Variants in ENAH observed in about 807,000 individuals in gnomAD.
ENAH encodes the protein ENAH actin regulator, also known as protein enabled homolog.
Under a neutral mutation model 78.7 loss-of-function variants are expected in ENAH, and 23 were observed. That is an observed-to-expected ratio of 0.29 (90% CI 0.21 to 0.41). ENAH has a LOEUF of 0.41. Ranked by LOEUF, ENAH falls within the 10% of genes least tolerant of loss-of-function variation. The probability of loss-of-function intolerance (pLI) is 1.00; values close to 1 mark genes in which losing one functional copy is unlikely to be tolerated. For synonymous variants in ENAH, 226 were observed against 241.0 expected (o/e 0.94, Z 0.58); for missense variants, 544 against 691.0 (o/e 0.79, Z 2.39).
chr1:225,498,249 C>T, intron 13 of ENAH, 98 bp downstream of exon 13: 1 of 979,184 alleles, frequency 1.0e-6, no homozygotes, highest in South Asian at 1.5e-5. Context: ...TCATTGCCCT[C>T]AACTAATCAG....
Position 225,497,743 on chromosome 1 carries a change from A to G in ENAH, c.*32T>C. The G allele has an allele frequency of 6.2e-7, 1 of 1,604,690 alleles. No individual in the cohort carries two copies. The highest frequency in any genetic ancestry group is 8.5e-7 in the Non-Finnish European group (1 of 1,174,040). On this transcript the variant is annotated 3_prime_UTR_variant, in exon 14 of 14. Coordinates refer to ENST00000366843, the MANE Select transcript of ENAH (RefSeq NM_018212.6). ...TGTTTGTAGGATATTTTTCCTCCAG[A>G]TTAAAGTCCTATCTCTCCTTAGTCT...
chr1:225,517,236 C>T lies in ENAH; in HGVS notation c.873G>A (p.Leu291=). 1 of 1,549,458 alleles carries T rather than the reference C, an allele frequency of 6.5e-7. No individual in the cohort carries two copies. Among genetic ancestry groups the T allele is most frequent in the Non-Finnish European group, 8.7e-7 (1 of 1,146,142 alleles). ...TCTCGGCCGGCTGAGAGGCTGCCTG[C>T]AAGCCTGGCTCAGAAGCAGAAGAGT... is the stretch of plus-strand genomic sequence containing the variant. ...LGDSSASEPG[L]QAASQPAETP... Residue 291 remains leucine, a synonymous_variant, in exon 6 of 14, where the codon TTG becomes TTA. Coordinates refer to ENST00000366843, the MANE Select transcript of ENAH (RefSeq NM_018212.6).
intron 2 of ENAH, 95 bp from the exon 3 acceptor site, chr1:225,555,178 T>C (rs2096660000): frequency 8.8e-7 from 1 of 1,134,518 alleles, no homozygotes; most frequent in African/African-American, 1.5e-5. Context: ...TCAAATGTGT[T>C]CCTAACAGAC....
At chr1:225,652,290 A>C (rs1038658880) in intron 1 of ENAH, 5 of 976,002 alleles carry the variant, frequency 5.1e-6, no homozygotes, top group East Asian at 1.1e-4. Context: ...AAAGTGCATG[A>C]AATTTTTACA....
At chr1:225,588,255 G>A (rs985689102) in intron 1 of ENAH, among the ~76,000 whole-genome samples, 2 of 152,118 alleles carry the variant, frequency 1.3e-5, no homozygotes, top group Admixed American at 6.5e-5. Flanking sequence ...AAAAATCTAC[G>A]AAACATAAAT....
chr1:225,548,222 T>TG (rs2096624580), intron 3 of ENAH, among the ~76,000 whole-genome samples: 1 of 151,834 alleles, frequency 6.6e-6, no homozygotes, highest in African/African-American at 2.4e-5. Flanking sequence ...TTTTTTTTTT[T>TG]GGACATTAGC....
At chr1:225,518,514 ATTAAC>A (rs139281933) in intron 5 of ENAH, among the ~76,000 whole-genome samples, 13,785 of 152,170 alleles carry the variant, frequency 0.091, 665 homozygotes, top group Admixed American at 0.14. Context: ...AAATACATAA[ATTAAC>A]TTAATAAACC....
intron 1 of ENAH, among the ~76,000 whole-genome samples, chr1:225,613,279 T>A (rs1311034328): frequency 6.6e-6 from 1 of 152,156 alleles, no homozygotes; most frequent in Non-Finnish European, 1.5e-5. Flanking sequence ...TCACCACCCA[T>A]CTTTTCTCAC....
intron 1 of ENAH, among the ~76,000 whole-genome samples, chr1:225,630,459 G>T (rs939594438): frequency 6.6e-6 from 1 of 152,214 alleles, no homozygotes; most frequent in Non-Finnish European, 1.5e-5. Flanking sequence ...AAGATTAAAC[G>T]AATTAAAGGA....
rs555871222 is a variant in ENAH at position 225,487,334 on chromosome 1, C to T, written c.*10441G>A. 6.6e-6 allele frequency: 1 copy of T among 152,342 alleles called. No individual in the cohort carries two copies. Among genetic ancestry groups the T allele is most frequent in the South Asian group, 2.1e-4 (1 of 4,826 alleles). The allele number at this position is 152,342 out of a possible 1,614,324, so 9.4% of individuals were successfully genotyped here. On this transcript the variant is annotated 3_prime_UTR_variant, in exon 14 of 14. Coordinates refer to ENST00000366843, the MANE Select transcript of ENAH (RefSeq NM_018212.6). The stretch of plus-strand genomic sequence containing the variant: ...CCTACCCTCCCAGCTGTTTTAGTTT[C>T]ATGTCTCACCTTCTCTTCCACGTTC...
Position 225,517,962 on chromosome 1 carries a change from G to A in ENAH, c.803-656C>T, listed in dbSNP as rs777313398. 56 of 1,545,200 alleles carry A rather than the reference G, an allele frequency of 3.6e-5. No individual in the cohort carries two copies. In the Middle Eastern group the frequency reaches 5.0e-4, roughly 14 times the overall value. On this transcript the variant is annotated intron_variant, in intron 5 of 13. Transcript: ENST00000366843. ...AACTGGAATACTCAGGAAGTGGAGC[G>A]TTATACAGGGAGCTGTCTGAAGATG...
At chr1:225,650,711 G>T (rs1575880914) in intron 1 of ENAH, among the ~76,000 whole-genome samples, 1 of 151,696 alleles carries the variant, frequency 6.6e-6, no homozygotes, top group Non-Finnish European at 1.5e-5. Context: ...TTAGCCGGGC[G>T]TGGTGATACC....
rs528221305 is a variant in ENAH at position 225,557,799 on chromosome 1, C to A, written c.172-2716G>T. ...CTCTGCCACTGCACTCCAGCCTGGG[C>A]AACAGAGTGACACTCTGTCTCAAAA... On this transcript the variant is annotated intron_variant, in intron 2 of 13. Transcript: ENST00000366843. Among the ~76,000 whole-genome samples the A allele has an allele frequency of 5.9e-5, 9 of 152,238 alleles. No individual in the cohort carries two copies. The South Asian group carries it at 1.2e-3, about 21-fold the overall frequency.
intron 1 of ENAH, among the ~76,000 whole-genome samples, chr1:225,623,805 G>A (rs556669037): frequency 6.6e-6 from 1 of 152,238 alleles, no homozygotes; most frequent in South Asian, 2.1e-4. Context: ...TAGCCAGGAT[G>A]GTCTCGCTCT....
At chr1:225,569,612 G>A (rs1458349869) in intron 1 of ENAH, among the ~76,000 whole-genome samples, 1 of 152,058 alleles carries the variant, frequency 6.6e-6, no homozygotes, top group African/African-American at 2.4e-5. Flanking sequence ...CTAAAACAAG[G>A]AAAGTTAGCT....
At chr1:225,523,485 G>A (rs10915846) in intron 4 of ENAH, among the ~76,000 whole-genome samples, 30,986 of 151,868 alleles carry the variant, frequency 0.2, 3,931 homozygotes, top group Middle Eastern at 0.39. Flanking sequence ...CAATGCTGGA[G>A]AATATTTCTA....
At chr1:225,608,865 T>C (rs1175372411) in intron 1 of ENAH, among the ~76,000 whole-genome samples, 6 of 106,918 alleles carry the variant, frequency 5.6e-5, no homozygotes, top group African/African-American at 1.9e-4. Flanking sequence ...GGAATCAAAA[T>C]GACATCAGAC....
At chr1:225,610,256 G>A (rs886856119) in intron 1 of ENAH, among the ~76,000 whole-genome samples, 3 of 151,316 alleles carry the variant, frequency 2.0e-5, no homozygotes, top group African/African-American at 4.9e-5. Context: ...ATTTTCTTAT[G>A]TAACTTTCAA....
intron 1 of ENAH, among the ~76,000 whole-genome samples, chr1:225,576,407 A>AT (rs1255827163): frequency 6.6e-6 from 1 of 152,234 alleles, no homozygotes; most frequent in Non-Finnish European, 1.5e-5. Context: ...CAGAAATACT[A>AT]TAAAAATTAA....
Sources: gnomAD v4.1 joint callset for allele counts (sites outside exome capture counted in the v4.1 genomes callset) on GRCh38, gnomAD v4.1.1 for gene constraint, MANE v1.5 for transcripts, NCBI Gene and HGNC (gene_info 2026-07-23, HGNC 2026-07-21) for gene names.